EPM2A: variants seen among roughly 807,000 people sequenced by gnomAD.
EPM2A encodes laforin.
In EPM2A, 21 loss-of-function variants were observed where a neutral mutation model predicts 26.5. The observed-to-expected ratio is 0.79, with a 90% CI of 0.56 to 1.14. The LOEUF is 1.14. Ranked by LOEUF, EPM2A falls within the 50% of genes most tolerant of loss-of-function variation. EPM2A has a pLI of 0.00. For synonymous variants in EPM2A, 217 were observed against 177.6 expected (o/e 1.22, Z -1.76); for missense variants, 458 against 440.8 (o/e 1.04, Z -0.35).
intron 2 of EPM2A, among the ~76,000 whole-genome samples, chr6:145,548,188 C>A (rs1374123043): frequency 1.3e-5 from 2 of 152,072 alleles, no homozygotes; most frequent in African/African-American, 4.8e-5. Flanking sequence ...TGGCAAGACT[C>A]CTCAATTTCC....
At chr6:145,389,079 C>T (rs189614947) in intron 4 of EPM2A, among the ~76,000 whole-genome samples, 5 of 152,082 alleles carry the variant, frequency 3.3e-5, no homozygotes, top group Non-Finnish European at 5.9e-5. Context: ...CTTGAGGAAT[C>T]GCCACACTAA....
At chr6:145,520,378 A>G (rs937093270) in intron 2 of EPM2A, among the ~76,000 whole-genome samples, 6 of 152,048 alleles carry the variant, frequency 3.9e-5, no homozygotes, top group African/African-American at 1.4e-4. Flanking sequence ...ACAAAGCCTT[A>G]TCTCCATCAC....
At chr6:145,717,395 A>C (rs1775691662) in intron 1 of EPM2A, among the ~76,000 whole-genome samples, 1 of 152,180 alleles carries the variant, frequency 6.6e-6, no homozygotes, top group African/African-American at 2.4e-5. Flanking sequence ...GATGCAGAAA[A>C]GGCCTTTGAC....
At chr6:145,607,117 C>T (rs1775280781) in intron 2 of EPM2A, among the ~76,000 whole-genome samples, 2 of 152,282 alleles carry the variant, frequency 1.3e-5, no homozygotes, top group South Asian at 4.1e-4. Context: ...AGCTGAGCCT[C>T]CAAACCACTC....
chr6:145,707,048 A>C (rs968051295), intron 1 of EPM2A, among the ~76,000 whole-genome samples: 1 of 152,230 alleles, frequency 6.6e-6, no homozygotes, highest in African/African-American at 2.4e-5. Flanking sequence ...GGAAACAAAG[A>C]GAAAGCCAAA....
intron 4 of EPM2A, among the ~76,000 whole-genome samples, chr6:145,422,057 G>GTATATA (rs67264730): frequency 6.1e-4 from 81 of 131,762 alleles, no homozygotes; most frequent in Admixed American, 1.1e-3. Context: ...ATATATGAGT[G>GTATATA]TATATATATA....
At chr6:145,509,195 A>T (rs1780019555) in intron 2 of EPM2A, among the ~76,000 whole-genome samples, 1 of 152,168 alleles carries the variant, frequency 6.6e-6, no homozygotes, top group African/African-American at 2.4e-5. Flanking sequence ...AATGTCTCTA[A>T]TCTGGCTAGA....
At position 145,437,614 on chromosome 6, in the gene EPM2A, C is replaced by T. The variant is rs1010811705; in HGVS notation, c.556-53517G>A. 1.1e-4 allele frequency among the ~76,000 whole-genome samples: 17 copies of T among 152,118 alleles called. 1 individual carries two copies. Among genetic ancestry groups the T allele is most frequent in the African/African-American group, 3.4e-4 (14 of 41,416 alleles). On this transcript the variant is annotated intron_variant, in intron 4 of 4. Coordinates refer to the EPM2A transcript ENST00000638717. ...CTGCTCACCTAGGTGATTCCACTGA[C>T]CTAAAAATAAAACATAAAAACAAAT...
intron 4 of EPM2A, among the ~76,000 whole-genome samples, chr6:145,476,548 T>C (rs531238551): frequency 9.2e-5 from 14 of 152,202 alleles, no homozygotes; most frequent in African/African-American, 3.4e-4. Context: ...GACCATATGT[T>C]AGATCACAAA....
chr6:145,610,137 C>T (rs932549997), intron 2 of EPM2A, among the ~76,000 whole-genome samples: 1 of 151,870 alleles, frequency 6.6e-6, no homozygotes, highest in Non-Finnish European at 1.5e-5. Context: ...CTGCTTAAAC[C>T]CGGGAGGAGG....
intron 4 of EPM2A, among the ~76,000 whole-genome samples, chr6:145,456,390 A>C (rs1172407145): frequency 1.3e-5 from 2 of 152,206 alleles, no homozygotes; most frequent in African/African-American, 4.8e-5. Context: ...ACTAATCTAC[A>C]GTTGAAGCAT....
At chr6:145,679,449 GA>G (rs910508972) in intron 2 of EPM2A, among the ~76,000 whole-genome samples, 48 of 150,016 alleles carry the variant, frequency 3.2e-4, no homozygotes, top group Admixed American at 5.3e-4. Flanking sequence ...TATTTAAAAA[GA>G]AAAAAAAGAA....
chr6:145,565,577 C>A (rs1780874276), intron 2 of EPM2A, among the ~76,000 whole-genome samples: 2 of 152,192 alleles, frequency 1.3e-5, no homozygotes, highest in South Asian at 4.1e-4. Flanking sequence ...TTGCCAGGGC[C>A]ATGACCAAGA....
chr6:145,504,985 T>C (rs1426389342), intron 2 of EPM2A, among the ~76,000 whole-genome samples: 93 of 104,238 alleles, frequency 8.9e-4, no homozygotes, highest in Non-Finnish European at 1.3e-3. Context: ...CTCAGTAAAC[T>C]ATCGCAAGAA....
At chr6:145,586,297 C>A (rs1291123202) in intron 2 of EPM2A, among the ~76,000 whole-genome samples, 2 of 152,012 alleles carry the variant, frequency 1.3e-5, no homozygotes, top group Non-Finnish European at 2.9e-5. Context: ...TGGTATTTTT[C>A]CTGTTATACC....
At chr6:145,455,610 G>A (rs909730975) in intron 4 of EPM2A, among the ~76,000 whole-genome samples, 3 of 152,192 alleles carry the variant, frequency 2.0e-5, no homozygotes, top group East Asian at 1.9e-4. Context: ...CACCCGCCTC[G>A]GCATCCAAAG....
chr6:145,420,773 TAG>T (rs1778770989), intron 4 of EPM2A, among the ~76,000 whole-genome samples: 1 of 152,072 alleles, frequency 6.6e-6, no homozygotes, highest in African/African-American at 2.4e-5. Context: ...CTTACAGTTC[TAG>T]AGAGAGCCCT....
At chr6:145,651,462 C>T (rs767800645) in intron 2 of EPM2A, among the ~76,000 whole-genome samples, 12 of 152,192 alleles carry the variant, frequency 7.9e-5, no homozygotes, top group Non-Finnish European at 1.5e-4. Context: ...GACTTGACAA[C>T]TAAAAGAGAA....
At chr6:145,701,160 T>G (rs185184162) in intron 1 of EPM2A, among the ~76,000 whole-genome samples, 1 of 152,342 alleles carries the variant, frequency 6.6e-6, no homozygotes, top group East Asian at 1.9e-4. Context: ...TTTGCCGTAA[T>G]CATAAACTAC....
Sources: allele counts gnomAD v4.1 joint callset (sites outside exome capture counted in the v4.1 genomes callset), GRCh38; gene constraint gnomAD v4.1.1; transcripts MANE v1.5; gene names NCBI Gene and HGNC (gene_info 2026-07-23, HGNC 2026-07-21).